Variants in SFMBT2 observed in about 807,000 individuals in gnomAD.
SFMBT2 encodes Scm like with four mbt domains 2.
Under a neutral mutation model 110.1 loss-of-function variants are expected in SFMBT2, and 38 were observed. The observed-to-expected ratio is 0.35, with a 90% confidence interval of 0.27 to 0.45. SFMBT2 has a LOEUF of 0.45. Ranked by LOEUF, SFMBT2 falls within the 20% of genes least tolerant of loss-of-function variation. The pLI, the probability that SFMBT2 is intolerant of heterozygous loss-of-function variation, is 1.00. For missense variants in SFMBT2, 1,011 were observed against 1,094.9 expected, an observed-to-expected ratio of 0.92 and a Z score of 1.08; for synonymous variants, 425 against 425.4, an observed-to-expected ratio of 1.00 and a Z score of 0.01.
chr10:7,266,546 C>T (rs185397613), intron 7 of SFMBT2, among the ~76,000 whole-genome samples: 3 of 152,278 alleles, frequency 2.0e-5, no homozygotes, highest in Non-Finnish European at 4.4e-5. Context: ...GGAGGGGGCA[C>T]GGCAGGTACG....
intron 1 of SFMBT2, among the ~76,000 whole-genome samples, chr10:7,410,402 G>C (rs559893773): frequency 3.7e-4 from 56 of 152,360 alleles, no homozygotes; most frequent in Middle Eastern, 3.4e-3. Flanking sequence ...AGACGCGGGA[G>C]CGCGGGGTAG....
rs1180752211 is a variant in SFMBT2 at position 7,163,621 on chromosome 10, G to C, written c.*149C>G. ...AAACATGGAAACAGCTCACAGGCTGGCGGAGGCAGAAGATCCTGGGCTTCT... is the reference window on the plus strand; with the variant it reads ...AAACATGGAAACAGCTCACAGGCTGCCGGAGGCAGAAGATCCTGGGCTTCT... On this transcript the variant is annotated 3_prime_UTR_variant, in exon 21 of 21. Transcript: ENST00000397167. The surrounding 1 kb of genome is among the most constrained non-coding windows in gnomAD (Gnocchi z 4.8). The C allele has an allele frequency of 1.5e-6, 1 of 673,874 alleles. No homozygotes were observed. Among genetic ancestry groups the C allele is most frequent in the Non-Finnish European group, 2.5e-6 (1 of 402,814 alleles). 41.7% of individuals were successfully genotyped at this position (673,874 alleles called of 1,614,324 possible). A position where few individuals can be genotyped will look rare whatever the true frequency, so the allele number is the denominator to read the frequency against.
intron 4 of SFMBT2, among the ~76,000 whole-genome samples, chr10:7,299,626 C>G (rs1842500703): frequency 6.6e-6 from 1 of 152,144 alleles, no homozygotes; most frequent in Non-Finnish European, 1.5e-5. Flanking sequence ...CGCTTTTACG[C>G]TGTTGGTGGG....
chr10:7,323,567 G>C (rs544867452), intron 4 of SFMBT2, among the ~76,000 whole-genome samples: 21 of 151,950 alleles, frequency 1.4e-4, no homozygotes, highest in Non-Finnish European at 2.5e-4. Flanking sequence ...TATTACATGG[G>C]GTTTCAACTA....
chr10:7,228,672 C>CTTCT (rs60421208), intron 9 of SFMBT2, among the ~76,000 whole-genome samples: 1,747 of 84,878 alleles, frequency 0.021, 145 homozygotes, highest in East Asian at 0.039. Flanking sequence ...ACTAAAGTGG[C>CTTCT]TTCTTTCTTT....
chr10:7,187,876 G>A (rs1470648062), intron 16 of SFMBT2, among the ~76,000 whole-genome samples: 1 of 152,156 alleles, frequency 6.6e-6, no homozygotes, highest in African/African-American at 2.4e-5. Flanking sequence ...TGACCATTAA[G>A]AAGTCAACTA....
At chr10:7,308,336 C>T (rs1282955330) in intron 4 of SFMBT2, among the ~76,000 whole-genome samples, 1 of 151,888 alleles carries the variant, frequency 6.6e-6, no homozygotes, top group Non-Finnish European at 1.5e-5. Context: ...CTCTCCAGAG[C>T]GATGGAGAGA....
intron 1 of SFMBT2, among the ~76,000 whole-genome samples, chr10:7,394,404 C>G (rs1227222273): frequency 6.6e-6 from 1 of 151,750 alleles, no homozygotes; most frequent in Non-Finnish European, 1.5e-5. Flanking sequence ...TTTGCTCTCT[C>G]AGCCGACTGT....
chr10:7,170,964 T>C lies in SFMBT2; in HGVS notation c.2508A>G (p.Thr836=), dbSNP rs1227964026. The stretch of plus-strand genomic sequence containing the variant: ...ATATCTTGGCCAAGGGGGCACAGTC[T>C]GTCAGCTTAATGAACCTCACCACGT... The part of the protein sequence containing the change: ...VTDVVRFIKL[T]DCAPLAKIFQ... Residue 836 remains threonine (T), a synonymous_variant, in exon 20 of 21, where the codon ACA becomes ACG. Transcript: ENST00000397167. This position sits in a 1 kb window ranked among gnomAD's most constrained non-coding sequence, Gnocchi z 4.6. 1.9e-6 allele frequency: 3 copies of C among 1,614,002 alleles called. No homozygotes were observed. In the African/African-American group the frequency reaches 4.0e-5, roughly 22 times the overall value.
chr10:7,300,529 A>G (rs568648253), intron 4 of SFMBT2, among the ~76,000 whole-genome samples: 4 of 152,230 alleles, frequency 2.6e-5, no homozygotes, highest in African/African-American at 9.6e-5. Flanking sequence ...CCCTTCACAC[A>G]TACTTTAGAA....
At chr10:7,396,913 G>C (rs1184879535) in intron 1 of SFMBT2, among the ~76,000 whole-genome samples, 1 of 137,388 alleles carries the variant, frequency 7.3e-6, no homozygotes, top group East Asian at 2.2e-4. Flanking sequence ...GGGGGGATGG[G>C]GGGAGGGGGG....
chr10:7,384,268 C>T (rs190173159), intron 1 of SFMBT2, among the ~76,000 whole-genome samples: 3 of 140,880 alleles, frequency 2.1e-5, no homozygotes, highest in Admixed American at 7.1e-5. Context: ...TAAGTACCAT[C>T]CCTGAAGAGA....
chr10:7,211,761 G>A (rs546464500), intron 11 of SFMBT2, among the ~76,000 whole-genome samples: 5 of 152,276 alleles, frequency 3.3e-5, no homozygotes, highest in South Asian at 2.1e-4. Context: ...TTGTTTTCAC[G>A]TTTACATGTT....
chr10:7,282,548 G>C (rs1021413821), intron 6 of SFMBT2, among the ~76,000 whole-genome samples: 2 of 152,218 alleles, frequency 1.3e-5, no homozygotes, highest in African/African-American at 4.8e-5. Context: ...CTCTTTGTTT[G>C]TCATCAGAGT....
chr10:7,235,587 G>A (rs895942381), intron 9 of SFMBT2, among the ~76,000 whole-genome samples: 2 of 149,818 alleles, frequency 1.3e-5, no homozygotes, highest in African/African-American at 4.9e-5. Context: ...CCACACAGAC[G>A]TACCACACAT....
At chr10:7,351,664 T>C (rs374233167) in intron 4 of SFMBT2, among the ~76,000 whole-genome samples, 2 of 152,198 alleles carry the variant, frequency 1.3e-5, no homozygotes, top group Non-Finnish European at 2.9e-5. Context: ...CAGGCAAGTA[T>C]GATCAAAATT....
At chr10:7,228,739 TCTCTCTCTCTCTCTCTC>T (rs1564395432) in intron 9 of SFMBT2, among the ~76,000 whole-genome samples, 316 of 29,694 alleles carry the variant, frequency 0.011, 3 homozygotes, top group Non-Finnish European at 0.019. Flanking sequence ...TTCTTTCCTT[TCTCTCTCTCTCTCTCTC>T]TCTCTCTCTC....
chr10:7,259,496 G>T (rs879724447), intron 7 of SFMBT2, among the ~76,000 whole-genome samples: 3 of 152,234 alleles, frequency 2.0e-5, no homozygotes, highest in Admixed American at 2.0e-4. Flanking sequence ...ACTGTAGGAT[G>T]TTGCAACTGC....
intron 4 of SFMBT2, among the ~76,000 whole-genome samples, chr10:7,303,866 A>G (rs1484845152): frequency 6.6e-6 from 1 of 152,204 alleles, no homozygotes; most frequent in African/African-American, 2.4e-5. Context: ...ATCTTGCTTG[A>G]CCACATAAAA....
Sources: allele counts gnomAD v4.1 joint callset (sites outside exome capture counted in the v4.1 genomes callset), GRCh38; gene constraint gnomAD v4.1.1; non-coding constraint Gnocchi (gnomAD v3.1); transcripts MANE v1.5; gene names NCBI Gene and HGNC (gene_info 2026-07-23, HGNC 2026-07-21).